NRG2: variants seen among roughly 807,000 people sequenced by gnomAD.
NRG2 encodes pro-neuregulin-2, membrane-bound isoform.
A neutral mutation model predicts 73.9 loss-of-function variants in NRG2; 27 were observed. That is an observed-to-expected ratio of 0.37 (90% CI 0.27 to 0.50). The LOEUF is 0.50. NRG2 is among the 20% of genes least tolerant of loss of function. NRG2 has a pLI of 0.96. For missense variants in NRG2, 1,126 were observed against 1,210.1 expected (o/e 0.93, Z 1.03); for synonymous variants, 532 against 541.0 (o/e 0.98, Z 0.23).
chr5:139,923,421 G>A (rs1456290043), intron 1 of NRG2, among the ~76,000 whole-genome samples: 2 of 152,136 alleles, frequency 1.3e-5, no homozygotes, highest in African/African-American at 2.4e-5. Context: ...AGAGCATGAG[G>A]GTCACAGGGC....
At chr5:139,955,555 G>A (rs1754557573) in intron 1 of NRG2, among the ~76,000 whole-genome samples, 1 of 152,290 alleles carries the variant, frequency 6.6e-6, no homozygotes, top group South Asian at 2.1e-4. Flanking sequence ...GGGAGGGGCT[G>A]TGGTGCTCAC....
In NRG2 at chr5:139,983,957, C is replaced by A. The variant is rs78010365; in HGVS notation, c.700+58413G>T. Among the ~76,000 whole-genome samples, 5 of 152,290 alleles carry A rather than the reference C, an allele frequency of 3.3e-5. No individual in the cohort carries two copies. In the East Asian group the frequency reaches 9.6e-4, roughly 29 times the overall value. ...ACACTAATTCAACTGCACTACCCTG[C>A]GCCAGGATCATAGAAACATTCACCT... On this transcript the variant is annotated intron_variant, in intron 1 of 9. Coordinates refer to ENST00000361474, the MANE Select transcript of NRG2 (RefSeq NM_004883.3).
In NRG2 at chr5:139,847,953, CGGCCCGCGGCTGTGTCTGCTGCT is replaced by C; in HGVS notation, c.2494_2516del (p.Ser832AlafsTer56). ...CCGAGTCCTGCTTGGCCCGCGGGGG[CGGCCCGCGGCTGTGTCTGCTGCT>C]GGCCCGCGTGCTGTGGCTGTCCAGT... On this transcript the variant is annotated frameshift_variant, in exon 10 of 10. Coordinates refer to ENST00000361474, the MANE Select transcript of NRG2 (RefSeq NM_004883.3). LOFTEE classifies it high-confidence loss of function. 5 of 1,506,412 alleles carry C rather than the reference CGGCCCGCGGCTGTGTCTGCTGCT, an allele frequency of 3.3e-6. No individual in the cohort carries two copies. Among genetic ancestry groups the C allele is most frequent in the Admixed American group, 2.1e-5 (1 of 46,888 alleles). 93.3% of individuals were successfully genotyped at this position (1,506,412 alleles called of 1,614,324 possible).
At position 139,848,273 on chromosome 5, in the gene NRG2, A is replaced by T. The variant is rs951388943; in HGVS notation, c.2197T>A (p.Ser733Thr). Residue 733 changes from serine to threonine, a missense_variant, in exon 10 of 10, where the codon TCC becomes ACC. Ser to Thr is a moderately conservative substitution (Grantham distance 58). Around this residue, in one of 3 missense-constraint regions of NRG2, gnomAD observed 402 missense variants for 357.8 expected, o/e 1.12. Coordinates refer to ENST00000361474, the MANE Select transcript of NRG2 (RefSeq NM_004883.3). ...CGGGGCCCCGCCGACGTCCTGCGGG[A>T]CGCACCGCGCGCGCGCGGCCGCGGC... ...PPPRPRARGASRRTSAGPRRW... is the reference protein window; with the variant it reads ...PPPRPRARGATRRTSAGPRRW... 17 of 1,109,690 alleles carry T rather than the reference A, an allele frequency of 1.5e-5. No homozygotes were observed. The highest frequency in any genetic ancestry group is 1.9e-5 in the Non-Finnish European group (17 of 912,500). The allele number at this position is 1,109,690 out of a possible 1,614,324, so 68.7% of individuals were successfully genotyped here.
intron 1 of NRG2, among the ~76,000 whole-genome samples, chr5:139,946,518 C>T (rs1347819682): frequency 6.6e-6 from 1 of 151,980 alleles, no homozygotes; most frequent in South Asian, 2.1e-4. Flanking sequence ...CTATAAAATT[C>T]TCAAAAAACA....
chr5:140,009,216 C>T (rs1580934865), intron 1 of NRG2, among the ~76,000 whole-genome samples: 1 of 152,190 alleles, frequency 6.6e-6, no homozygotes, highest in African/African-American at 2.4e-5. Context: ...ATTGTGGCTG[C>T]CTCTGCTGCT....
intron 1 of NRG2, among the ~76,000 whole-genome samples, chr5:140,033,974 T>C (rs977190590): frequency 3.3e-5 from 5 of 152,016 alleles, no homozygotes; most frequent in South Asian, 2.1e-4. Context: ...TTTTTTTTTT[T>C]TTGACATGGA....
chr5:139,912,006 C>T lies in NRG2; in HGVS notation c.701-24495G>A, dbSNP rs115488605. Among the ~76,000 whole-genome samples, 740 of 152,270 alleles carry T rather than the reference C, an allele frequency of 4.9e-3. 6 individuals are homozygous for T. The highest frequency in any genetic ancestry group is 0.016 in the African/African-American group (682 of 41,558). ...GCATGGATCAGCAACCCAAGGGAGC[C>T]GTGGTTCCCAGAAACAGTTGTCCCC... On this transcript the variant is annotated intron_variant, in intron 1 of 9. Coordinates refer to ENST00000361474, the MANE Select transcript of NRG2 (RefSeq NM_004883.3).
intron 1 of NRG2, among the ~76,000 whole-genome samples, chr5:139,926,813 G>A (rs538904819): frequency 1.3e-4 from 20 of 152,246 alleles, no homozygotes; most frequent in African/African-American, 4.8e-4. Flanking sequence ...TCTGTCCAGC[G>A]ATTGAACCCC....
chr5:139,975,370 G>A (rs1308950825), intron 1 of NRG2, among the ~76,000 whole-genome samples: 4 of 152,210 alleles, frequency 2.6e-5, no homozygotes, highest in Non-Finnish European at 4.4e-5. Flanking sequence ...TACAGGAACC[G>A]GCCCCGCAGT....
At chr5:140,015,523 G>A (rs1431348072) in intron 1 of NRG2, among the ~76,000 whole-genome samples, 1 of 152,156 alleles carries the variant, frequency 6.6e-6, no homozygotes, top group Non-Finnish European at 1.5e-5. Flanking sequence ...TTCCATAAGT[G>A]TTGGTTAATT....
At chr5:139,916,008 G>A (rs1751225234) in intron 1 of NRG2, among the ~76,000 whole-genome samples, 1 of 152,164 alleles carries the variant, frequency 6.6e-6, no homozygotes, top group Admixed American at 6.5e-5. Flanking sequence ...GATATTGAAG[G>A]GTTCTGAGCA....
chr5:139,860,155 G>T (rs1380361227), intron 5 of NRG2, among the ~76,000 whole-genome samples: 3 of 152,178 alleles, frequency 2.0e-5, no homozygotes, highest in Non-Finnish European at 4.4e-5. Flanking sequence ...ACAGCAGGCA[G>T]GGCAGGCTCT....
intron 2 of NRG2, among the ~76,000 whole-genome samples, chr5:139,882,527 T>C (rs886414688): frequency 2.0e-5 from 3 of 152,208 alleles, no homozygotes; most frequent in Admixed American, 1.3e-4. Context: ...CTTCTGTCAA[T>C]TATAATTTGT....
At chr5:139,905,669 G>C (rs1765178998) in intron 1 of NRG2, among the ~76,000 whole-genome samples, 1 of 150,490 alleles carries the variant, frequency 6.6e-6, no homozygotes, top group African/African-American at 2.5e-5. Flanking sequence ...TGTCTCATCA[G>C]GGGCCAGCTC....
chr5:139,859,956 GGA>G (rs1240929710), intron 5 of NRG2: 12 of 1,604,792 alleles, frequency 7.5e-6, no homozygotes, highest in Non-Finnish European at 1.0e-5. Context: ...AGGGGTGGAG[GGA>G]GAGAGACAGG....
chr5:139,911,169 T>A (rs1206815641), intron 1 of NRG2, among the ~76,000 whole-genome samples: 2 of 151,948 alleles, frequency 1.3e-5, no homozygotes, highest in African/African-American at 4.8e-5. Context: ...GGACAGCATG[T>A]GAACAAGAGG....
chr5:139,934,805 A>G (rs975789569), intron 1 of NRG2, among the ~76,000 whole-genome samples: 5 of 152,258 alleles, frequency 3.3e-5, no homozygotes, highest in Non-Finnish European at 5.9e-5. Flanking sequence ...TATATGTCAG[A>G]GCAAATCTTA....
chr5:139,884,947 G>T (rs1289991567), intron 2 of NRG2, among the ~76,000 whole-genome samples: 1 of 152,150 alleles, frequency 6.6e-6, no homozygotes, highest in African/African-American at 2.4e-5. Flanking sequence ...AGACGACAAA[G>T]GGTCAGGGGT....
Sources: gnomAD v4.1 joint callset for allele counts (sites outside exome capture counted in the v4.1 genomes callset) on GRCh38, gnomAD v4.1.1 for gene constraint, gnomAD v4.1.1 regional missense constraint, MANE v1.5 for transcripts, NCBI Gene and HGNC (gene_info 2026-07-23, HGNC 2026-07-21) for gene names.